IL1RAPL1: variants seen among roughly 807,000 people sequenced by gnomAD.
IL1RAPL1 encodes interleukin-1 receptor accessory protein-like 1.
Under a neutral mutation model 48.4 loss-of-function variants are expected in IL1RAPL1, and 3 were observed. The ratio of observed to expected loss-of-function variants is 0.06; its 90% CI spans 0.03 to 0.16. The LOEUF is 0.16. Among genes scored for constraint, IL1RAPL1 ranks in the 10% least tolerant of loss-of-function variants. IL1RAPL1 has a pLI of 1.00. For synonymous variants in IL1RAPL1, 185 were observed against 187.7 expected (o/e 0.99, Z 0.12); for missense variants, 349 against 530.6 (o/e 0.66, Z 3.36).
chrX:29,536,222 T>C (rs1305930976), intron 5 of IL1RAPL1, among the ~76,000 whole-genome samples: 1 of 111,967 alleles, frequency 8.9e-6, no homozygotes, highest in Non-Finnish European at 1.9e-5. Context: ...TGAGAATCAC[T>C]TCAGAGAAAC....
chrX:28,819,223 A>G (rs764019662), intron 2 of IL1RAPL1, among the ~76,000 whole-genome samples: 1 of 110,966 alleles, frequency 9.0e-6, no homozygotes, highest in East Asian at 2.8e-4. Context: ...GAAAATAAAA[A>G]CCCATGAATC....
intron 6 of IL1RAPL1, among the ~76,000 whole-genome samples, chrX:29,819,449 A>C (rs953573590): frequency 2.7e-5 from 3 of 111,571 alleles, no homozygotes; most frequent in African/African-American, 9.8e-5. Flanking sequence ...CAACTGCTTT[A>C]ATACCACAGC....
intron 2 of IL1RAPL1, among the ~76,000 whole-genome samples, chrX:29,153,223 C>A (rs866116666): frequency 9.0e-6 from 1 of 111,439 alleles, no homozygotes; most frequent in Non-Finnish European, 1.9e-5. Flanking sequence ...AATACCCTTG[C>A]GATTACACTG....
At chrX:29,760,031 A>G (rs1368254454) in intron 6 of IL1RAPL1, among the ~76,000 whole-genome samples, 1 of 111,912 alleles carries the variant, frequency 8.9e-6, no homozygotes, top group African/African-American at 3.2e-5. Flanking sequence ...CCCTTAGTAC[A>G]TGGGGTGAGT....
chrX:29,644,874 T>C (rs1181058544), intron 5 of IL1RAPL1, among the ~76,000 whole-genome samples: 1 of 112,904 alleles, frequency 8.9e-6, no homozygotes, highest in Non-Finnish European at 1.9e-5. Flanking sequence ...GCCTCTGTCG[T>C]ATGTTGTTGA....
intron 6 of IL1RAPL1, among the ~76,000 whole-genome samples, chrX:29,671,469 G>A (rs1399885019): frequency 2.7e-5 from 3 of 111,930 alleles, no homozygotes; most frequent in East Asian, 2.8e-4. Context: ...GAATCAATAC[G>A]TGGTCACAAC....
chrX:29,184,178 A>T (rs1930205567), intron 2 of IL1RAPL1, among the ~76,000 whole-genome samples: 1 of 111,078 alleles, frequency 9.0e-6, no homozygotes, highest in African/African-American at 3.3e-5. Context: ...CGTCATCCTG[A>T]CTTGTTTGCG....
At chrX:28,992,987 G>A (rs1487642591) in intron 2 of IL1RAPL1, among the ~76,000 whole-genome samples, 1 of 111,756 alleles carries the variant, frequency 8.9e-6, no homozygotes, top group African/African-American at 3.3e-5. Context: ...TAGAGCACTA[G>A]CTTTTAAAAT....
At chrX:29,202,054 G>A (rs1191433457) in intron 2 of IL1RAPL1, among the ~76,000 whole-genome samples, 1 of 112,311 alleles carries the variant, frequency 8.9e-6, no homozygotes, top group Non-Finnish European at 1.9e-5. Flanking sequence ...CCCTACCACT[G>A]TAAAAGAAAA....
intron 3 of IL1RAPL1, among the ~76,000 whole-genome samples, chrX:29,331,058 T>A (rs1219048811): frequency 4.5e-5 from 5 of 110,765 alleles, no homozygotes; most frequent in African/African-American, 1.3e-4. Context: ...TCCCAGCTAC[T>A]CGGGAGGTTG....
chrX:28,770,599 T>C (rs1250917400), intron 1 of IL1RAPL1, among the ~76,000 whole-genome samples: 1 of 112,555 alleles, frequency 8.9e-6, no homozygotes, highest in Non-Finnish European at 1.9e-5. Flanking sequence ...TAGCTCTTAG[T>C]GGTATGATAC....
intron 2 of IL1RAPL1, among the ~76,000 whole-genome samples, chrX:29,020,774 G>T (rs6526827): frequency 0.35 from 38,129 of 110,385 alleles, 4,868 homozygotes; most frequent in Admixed American, 0.42. Context: ...TAGATTTAAT[G>T]CTACTTTTCG....
chrX:28,748,703 A>T (rs1252885524), intron 1 of IL1RAPL1, among the ~76,000 whole-genome samples: 1 of 111,833 alleles, frequency 8.9e-6, no homozygotes, highest in Non-Finnish European at 1.9e-5. Context: ...GTATCTTTTG[A>T]TATTTGAATA....
At chrX:29,496,119 A>C (rs968467630) in intron 5 of IL1RAPL1, among the ~76,000 whole-genome samples, 5 of 112,022 alleles carry the variant, frequency 4.5e-5, no homozygotes, top group African/African-American at 1.3e-4. Context: ...ATTATAGAGA[A>C]GTTTCTTACA....
intron 2 of IL1RAPL1, among the ~76,000 whole-genome samples, chrX:29,179,346 C>G (rs1437025156): frequency 2.7e-5 from 3 of 111,256 alleles, no homozygotes; most frequent in Non-Finnish European, 5.7e-5. Context: ...GTATTTTATT[C>G]TCTTTGTAGC....
chrX:28,955,350 T>A (rs1018882390), intron 2 of IL1RAPL1, among the ~76,000 whole-genome samples: 7 of 111,199 alleles, frequency 6.3e-5, no homozygotes, highest in Non-Finnish European at 1.3e-4. Context: ...ATTTAGAGAG[T>A]TCACTTTTGG....
chrX:29,193,491 G>A (rs920930032), intron 2 of IL1RAPL1, among the ~76,000 whole-genome samples: 3 of 110,761 alleles, frequency 2.7e-5, no homozygotes, highest in African/African-American at 3.3e-5. Flanking sequence ...TAGCCTTTTA[G>A]GAAAAAATGT....
chrX:29,721,855 ATATCTT>A (rs989196507), intron 6 of IL1RAPL1, among the ~76,000 whole-genome samples: 6 of 112,279 alleles, frequency 5.3e-5, no homozygotes, highest in African/African-American at 1.9e-4. Flanking sequence ...GAAATTAAAA[ATATCTT>A]TAGAATAGTA....
At chrX:29,895,511 CACTGCACT>C (rs1932365226) in intron 6 of IL1RAPL1, among the ~76,000 whole-genome samples, 1 of 112,549 alleles carries the variant, frequency 8.9e-6, no homozygotes, top group Admixed American at 9.3e-5. Flanking sequence ...ACCACTGCAC[CACTGCACT>C]GCAGCCTGGG....
Sources: gnomAD v4.1 joint callset for allele counts (sites outside exome capture counted in the v4.1 genomes callset) on GRCh38, gnomAD v4.1.1 for gene constraint, MANE v1.5 for transcripts, NCBI Gene and HGNC (gene_info 2026-07-23, HGNC 2026-07-21) for gene names.